B3GALT1: variants seen among roughly 807,000 people sequenced by gnomAD.
The protein encoded by B3GALT1 is beta-1,3-galactosyltransferase 1.
Under a neutral mutation model 23.2 loss-of-function variants are expected in B3GALT1, and 10 were observed. The ratio of observed to expected loss-of-function variants is 0.43; its 90% CI spans 0.27 to 0.73. B3GALT1 has a LOEUF of 0.73. Among genes scored for constraint, B3GALT1 ranks in the 30% least tolerant of loss-of-function variants. The probability of loss-of-function intolerance (pLI) is 0.21; values close to 1 mark genes in which losing one functional copy is unlikely to be tolerated. For missense variants in B3GALT1, 299 were observed against 405.4 expected (o/e 0.74, Z 2.25); for synonymous variants, 156 against 141.5 (o/e 1.10, Z -0.73).
At chr2:167,542,912 T>C (rs1683557170) in intron 2 of B3GALT1, among the ~76,000 whole-genome samples, 1 of 152,066 alleles carries the variant, frequency 6.6e-6, no homozygotes, top group African/African-American at 2.4e-5. Flanking sequence ...GTTAAAAAAG[T>C]ACTCCAGACT....
chr2:167,770,084 A>T (rs1387093339), intron 3 of B3GALT1, among the ~76,000 whole-genome samples: 1 of 151,898 alleles, frequency 6.6e-6, no homozygotes, highest in Non-Finnish European at 1.5e-5. Flanking sequence ...CTGTGTTTGT[A>T]TGTTTATTTA....
intron 2 of B3GALT1, among the ~76,000 whole-genome samples, chr2:167,606,514 C>G (rs1028613529): frequency 3.3e-5 from 5 of 152,090 alleles, no homozygotes; most frequent in Non-Finnish European, 7.4e-5. Context: ...GTAGTTTTGT[C>G]TATATAAACA....
intron 2 of B3GALT1, among the ~76,000 whole-genome samples, chr2:167,558,664 C>A (rs535739697): frequency 1.3e-5 from 2 of 152,352 alleles, no homozygotes; most frequent in South Asian, 2.1e-4. Flanking sequence ...TATCCTGCAC[C>A]TGGCTCGGAG....
intron 2 of B3GALT1, among the ~76,000 whole-genome samples, chr2:167,519,975 G>C (rs1700163727): frequency 6.6e-6 from 1 of 151,836 alleles, no homozygotes; most frequent in Admixed American, 6.6e-5. Flanking sequence ...AGGAGGTGAG[G>C]CAGAGGTTGC....
rs545315031 is a variant in B3GALT1, at chr2:167,390,107, G to A, written c.-511+96773G>A. Among the ~76,000 whole-genome samples, 57 of 152,118 alleles carry A rather than the reference G, an allele frequency of 3.7e-4. No individual in the cohort carries two copies. The South Asian group carries it at 1.0e-2, about 27-fold the overall frequency. ...TCTCAGCTACACAGGATCTCAGGACGAACCCTTCACTGCACTCTATTGATA... is the reference window on the plus strand; with the variant it reads ...TCTCAGCTACACAGGATCTCAGGACAAACCCTTCACTGCACTCTATTGATA... On this transcript the variant is annotated intron_variant, in intron 1 of 4. Coordinates refer to ENST00000392690, the MANE Select transcript of B3GALT1 (RefSeq NM_020981.4).
chr2:167,668,959 A>G (rs1001097780), intron 3 of B3GALT1, among the ~76,000 whole-genome samples: 1 of 152,046 alleles, frequency 6.6e-6, no homozygotes, highest in African/African-American at 2.4e-5. Context: ...CTATTTGGCC[A>G]TCCTATCCCA....
chr2:167,741,162 A>T (rs1040410059), intron 3 of B3GALT1, among the ~76,000 whole-genome samples: 7 of 152,168 alleles, frequency 4.6e-5, no homozygotes, highest in Admixed American at 4.6e-4. Context: ...TATAGGCCAG[A>T]TGACACCCCA....
intron 3 of B3GALT1, among the ~76,000 whole-genome samples, chr2:167,703,963 C>T (rs997333532): frequency 9.9e-5 from 15 of 152,078 alleles, no homozygotes; most frequent in East Asian, 1.9e-4. Context: ...GGGCGGATCA[C>T]GAGGTCAGGA....
chr2:167,351,007 G>A (rs995722695), intron 1 of B3GALT1, among the ~76,000 whole-genome samples: 5 of 152,116 alleles, frequency 3.3e-5, no homozygotes, highest in African/African-American at 1.2e-4. Context: ...GGTGGCTCAC[G>A]CCTGTAATCC....
At chr2:167,648,766 G>A (rs147482440) in intron 3 of B3GALT1, among the ~76,000 whole-genome samples, 35 of 151,984 alleles carry the variant, frequency 2.3e-4, no homozygotes, top group African/African-American at 7.2e-4. Context: ...TATTTCATCC[G>A]GTAGCCCCCA....
At chr2:167,556,234 C>G (rs1683847308) in intron 2 of B3GALT1, among the ~76,000 whole-genome samples, 1 of 152,020 alleles carries the variant, frequency 6.6e-6, no homozygotes, top group Admixed American at 6.6e-5. Context: ...GCTTCACATA[C>G]TCAGAGGTTG....
intron 3 of B3GALT1, among the ~76,000 whole-genome samples, chr2:167,677,110 GA>G (rs1375899727): frequency 2.0e-5 from 3 of 152,142 alleles, no homozygotes; most frequent in African/African-American, 7.2e-5. Context: ...CAATTAATAT[GA>G]AGTATCAGAT....
intron 4 of B3GALT1, among the ~76,000 whole-genome samples, chr2:167,844,555 C>A (rs1000083104): frequency 6.6e-6 from 1 of 152,108 alleles, no homozygotes; most frequent in Non-Finnish European, 1.5e-5. Flanking sequence ...GAGAGCCTAG[C>A]GAAATACAGG....
intron 1 of B3GALT1, among the ~76,000 whole-genome samples, chr2:167,348,737 A>G (rs1245700693): frequency 6.6e-6 from 1 of 152,074 alleles, no homozygotes; most frequent in Non-Finnish European, 1.5e-5. Flanking sequence ...TCTGAAAGTT[A>G]CCTATTACAG....
intron 2 of B3GALT1, among the ~76,000 whole-genome samples, chr2:167,565,975 A>G (rs571262175): frequency 2.6e-5 from 4 of 152,166 alleles, no homozygotes; most frequent in African/African-American, 9.7e-5. Context: ...TAGAAATACC[A>G]TTTGACCCAG....
At chr2:167,463,401 G>A (rs987136848) in intron 1 of B3GALT1, among the ~76,000 whole-genome samples, 1 of 151,948 alleles carries the variant, frequency 6.6e-6, no homozygotes, top group Non-Finnish European at 1.5e-5. Context: ...CTAATAGCCT[G>A]TATTGTTTAC....
rs1690392366 is a variant in B3GALT1 at position 167,873,716 on chromosome 2, T to C, written c.*3696T>C. On this transcript the variant is annotated 3_prime_UTR_variant, in exon 5 of 5. Transcript: ENST00000392690. ...CGTCATATATGAATGATTGTATTTA[T>C]GTATTTATTTGTCAAAATTGTACAT... 1.3e-5 allele frequency: 2 copies of C among 152,268 alleles called. No homozygotes were observed. Among genetic ancestry groups the C allele is most frequent in the African/African-American group, 4.8e-5 (2 of 41,484 alleles). The allele number at this position is 152,268 out of a possible 1,614,324, so 9.4% of individuals were successfully genotyped here.
intron 1 of B3GALT1, among the ~76,000 whole-genome samples, chr2:167,378,869 T>G (rs909660895): frequency 1.3e-5 from 2 of 152,180 alleles, no homozygotes; most frequent in Non-Finnish European, 2.9e-5. Context: ...GTGCGATCCC[T>G]TGGTGGTGCC....
intron 1 of B3GALT1, among the ~76,000 whole-genome samples, chr2:167,461,775 C>A (rs1172013029): frequency 6.6e-6 from 1 of 151,938 alleles, no homozygotes; most frequent in Admixed American, 6.6e-5. Context: ...TTCTTTTAGG[C>A]AATTACATAA....
Sources: gnomAD v4.1 joint callset for allele counts (sites outside exome capture counted in the v4.1 genomes callset) on GRCh38, gnomAD v4.1.1 for gene constraint, MANE v1.5 for transcripts, NCBI Gene and HGNC (gene_info 2026-07-23, HGNC 2026-07-21) for gene names.